CATSPERE: variants seen among roughly 807,000 people sequenced by gnomAD.
CATSPERE encodes catsper channel auxiliary subunit epsilon.
CATSPERE carries 93 observed loss-of-function variants against 114.1 expected under a neutral mutation model. That is an observed-to-expected ratio of 0.81 (90% CI 0.69 to 0.97). CATSPERE has a LOEUF of 0.97. CATSPERE is among the 50% of genes least tolerant of loss of function. The pLI, the probability that CATSPERE is intolerant of heterozygous loss-of-function variation, is 0.00. For synonymous variants in CATSPERE, 341 were observed against 384.1 expected, an observed-to-expected ratio of 0.89 and a Z score of 1.31; for missense variants, 1,058 against 1,131.6, an observed-to-expected ratio of 0.93 and a Z score of 0.93.
intron 9 of CATSPERE, among the ~76,000 whole-genome samples, chr1:244,556,242 T>C (rs1386784643): frequency 2.0e-5 from 3 of 151,944 alleles, no homozygotes; most frequent in Non-Finnish European, 4.4e-5. Flanking sequence ...ATTGTAACCC[T>C]GATAGCAACC....
chr1:244,629,882 C>T (rs1673707815), intron 20 of CATSPERE, among the ~76,000 whole-genome samples: 1 of 150,728 alleles, frequency 6.6e-6, no homozygotes, highest in African/African-American at 2.4e-5. Context: ...TCAAGCAATC[C>T]ACCTGCCTCA....
chr1:244,625,719 G>A (rs1487322114), intron 20 of CATSPERE, among the ~76,000 whole-genome samples: 7 of 151,044 alleles, frequency 4.6e-5, no homozygotes, highest in African/African-American at 1.7e-4. Flanking sequence ...GAGCCACCGC[G>A]CCTGGCCTAT....
chr1:244,461,465 G>A lies in CATSPERE; in HGVS notation c.36G>A (p.Trp12Ter). Reference protein sequence around the residue: ...SAREVAVLLLWLSCYGSALWR... With the variant: ...SAREVAVLLL ...GGGAAGTGGCCGTGCTGCTGCTGTGGCTGAGCTGCTATGGCTCCGCCCTTT... is the reference window on the plus strand; with the variant it reads ...GGGAAGTGGCCGTGCTGCTGCTGTGACTGAGCTGCTATGGCTCCGCCCTTT... The change falls in exon 1 of 22, where the codon TGG becomes TGA. Residue 12 changes from tryptophan (W) to a stop codon, truncating the protein, a stop_gained. Transcript: ENST00000366534. LOFTEE classifies it high-confidence loss of function. 7.3e-7 allele frequency: 1 copy of A among 1,363,044 alleles called. No homozygotes were observed. The highest frequency in any genetic ancestry group is 9.5e-7 in the Non-Finnish European group (1 of 1,051,408). The allele number at this position is 1,363,044 out of a possible 1,614,324, so 84.4% of individuals were successfully genotyped here.
chr1:244,508,986 A>G lies in CATSPERE; in HGVS notation c.430-9606A>G, dbSNP rs933378885. Among the ~76,000 whole-genome samples the G allele has an allele frequency of 2.1e-4, 14 of 67,376 alleles. No individual in the cohort carries two copies. The African/African-American group carries it at 2.7e-3, about 13-fold the overall frequency. 44.2% of individuals were successfully genotyped at this position (67,376 alleles called of 152,430 possible). ...GAGATTCTGTGCCCCTTCCCCCACC[A>G]AAAAAAAAAAAAATTGTGTCATTGT... On this transcript the variant is annotated intron_variant, in intron 7 of 21. Transcript: ENST00000366534.
At chr1:244,513,634 A>C (rs1286267900) in intron 7 of CATSPERE, among the ~76,000 whole-genome samples, 1 of 152,156 alleles carries the variant, frequency 6.6e-6, no homozygotes, top group Non-Finnish European at 1.5e-5. Flanking sequence ...TGCCGCTTGC[A>C]ACGAGCAGGG....
At chr1:244,472,744 T>G (rs540022856) in intron 2 of CATSPERE, among the ~76,000 whole-genome samples, 27 of 152,276 alleles carry the variant, frequency 1.8e-4, no homozygotes, top group African/African-American at 6.3e-4. Flanking sequence ...CACCGAATAG[T>G]TTCACTGCCC....
At chr1:244,474,704 A>G (rs1669005437) in intron 2 of CATSPERE, among the ~76,000 whole-genome samples, 1 of 144,498 alleles carries the variant, frequency 6.9e-6, no homozygotes, top group African/African-American at 2.5e-5. Flanking sequence ...AAATCACTTA[A>G]TCATTTTTTA....
intron 20 of CATSPERE, among the ~76,000 whole-genome samples, chr1:244,621,050 A>ATATATAT: frequency 1.6e-5 from 1 of 63,192 alleles, no homozygotes; most frequent in East Asian, 3.6e-4. Flanking sequence ...ATATATATAT[A>ATATATAT]AATATATATA....
intron 20 of CATSPERE, among the ~76,000 whole-genome samples, chr1:244,624,023 G>A (rs952360039): frequency 5.9e-5 from 9 of 151,768 alleles, no homozygotes; most frequent in Admixed American, 2.6e-4. Context: ...GTGCAGTGGC[G>A]CAATCTCAAC....
intron 8 of CATSPERE, among the ~76,000 whole-genome samples, chr1:244,528,696 A>G (rs1203527256): frequency 6.6e-6 from 1 of 152,034 alleles, no homozygotes; most frequent in Non-Finnish European, 1.5e-5. Context: ...ATTATCGACT[A>G]TAGTCACCCA....
intron 8 of CATSPERE, among the ~76,000 whole-genome samples, chr1:244,530,702 T>G (rs3003253): frequency 1.3e-5 from 2 of 152,036 alleles, no homozygotes; most frequent in African/African-American, 4.8e-5. Context: ...GCATCAATAT[T>G]TTATAGTTTT....
Position 244,575,017 on chromosome 1 carries a change from TTC to T in CATSPERE, c.1950+2250_1950+2251del, listed in dbSNP as rs376739738. On this transcript the variant is annotated intron_variant, in intron 11 of 21. Transcript: ENST00000366534. This position sits in a 1 kb window ranked among gnomAD's most constrained non-coding sequence, Gnocchi z 4.5. The stretch of plus-strand genomic sequence containing the variant: ...TCTCTTTCAGTCTCTCGCTCACTTA[TTC>T]TCTCCCTCTATCTCTCTCTCTCATT... Among the ~76,000 whole-genome samples, 3 of 151,922 alleles carry T rather than the reference TTC, an allele frequency of 2.0e-5. No individual in the cohort carries two copies. The East Asian group carries it at 5.8e-4, about 30-fold the overall frequency.
intron 5 of CATSPERE, among the ~76,000 whole-genome samples, chr1:244,486,506 G>A (rs1402329175): frequency 6.9e-6 from 1 of 144,412 alleles, no homozygotes; most frequent in Non-Finnish European, 1.5e-5. Flanking sequence ...CGTGGGCCAG[G>A]TGTAGACCCT....
At chr1:244,576,143 G>A (rs1392905394) in intron 11 of CATSPERE, among the ~76,000 whole-genome samples, 2 of 152,014 alleles carry the variant, frequency 1.3e-5, no homozygotes, top group Non-Finnish European at 2.9e-5. Flanking sequence ...CACGTGGTAT[G>A]TGAGGATCCT....
chr1:244,515,874 T>A (rs1374725049), intron 7 of CATSPERE, among the ~76,000 whole-genome samples: 2 of 149,770 alleles, frequency 1.3e-5, no homozygotes, highest in Non-Finnish European at 3.0e-5. Flanking sequence ...CTATTAAAAA[T>A]AATAATAATA....
intron 20 of CATSPERE, among the ~76,000 whole-genome samples, chr1:244,629,548 TG>T (rs2148742234): frequency 6.8e-6 from 1 of 146,494 alleles, no homozygotes; most frequent in South Asian, 2.3e-4. Flanking sequence ...GGTCTTGCTA[TG>T]TTGCCCAGCC....
chr1:244,527,253 A>T (rs1177046566), intron 8 of CATSPERE, among the ~76,000 whole-genome samples: 2 of 152,138 alleles, frequency 1.3e-5, no homozygotes, highest in African/African-American at 4.8e-5. Flanking sequence ...TACAGCTGCA[A>T]CCGTAAAAGA....
chr1:244,591,334 G>C (rs920035424), intron 14 of CATSPERE, among the ~76,000 whole-genome samples: 1 of 150,602 alleles, frequency 6.6e-6, no homozygotes, highest in Non-Finnish European at 1.5e-5. Flanking sequence ...AAGTCACCAT[G>C]TTGTACAATA....
At chr1:244,519,990 T>C (rs373020889) in intron 8 of CATSPERE, among the ~76,000 whole-genome samples, 5 of 151,996 alleles carry the variant, frequency 3.3e-5, no homozygotes, top group Admixed American at 6.5e-5. Flanking sequence ...ACCTTACTTG[T>C]AAGCCACCAT....
Sources: allele counts gnomAD v4.1 joint callset (sites outside exome capture counted in the v4.1 genomes callset), GRCh38; gene constraint gnomAD v4.1.1; non-coding constraint Gnocchi (gnomAD v3.1); transcripts MANE v1.5; gene names NCBI Gene and HGNC (gene_info 2026-07-23, HGNC 2026-07-21).